GPR158: variants seen among roughly 807,000 people sequenced by gnomAD.
GPR158 encodes the protein G protein-coupled receptor 158.
GPR158 carries 30 observed loss-of-function variants against 78.2 expected under a neutral mutation model. The ratio of observed to expected loss-of-function variants is 0.38; its 90% confidence interval spans 0.29 to 0.52. The LOEUF is 0.52. Ranked by LOEUF, GPR158 falls within the 20% of genes least tolerant of loss-of-function variation. The pLI is 0.83. For missense variants in GPR158, 1,463 were observed against 1,523.5 expected (o/e 0.96, Z 0.66); for synonymous variants, 581 against 591.1 (o/e 0.98, Z 0.25).
chr10:25,540,943 AAAATAT>A (rs1209769615), intron 5 of GPR158, among the ~76,000 whole-genome samples: 208 of 63,458 alleles, frequency 3.3e-3, no homozygotes, highest in African/African-American at 0.011. Flanking sequence ...AAGTATAATA[AAAATAT>A]ATATATATAT....
intron 2 of GPR158, among the ~76,000 whole-genome samples, chr10:25,227,414 A>T (rs1380412140): frequency 6.6e-6 from 1 of 152,198 alleles, no homozygotes; most frequent in Non-Finnish European, 1.5e-5. Context: ...GTTTCAAGCT[A>T]TTTGTGTGTT....
chr10:25,281,061 G>T (rs1276257877), intron 2 of GPR158, among the ~76,000 whole-genome samples: 1 of 151,640 alleles, frequency 6.6e-6, no homozygotes, highest in Non-Finnish European at 1.5e-5. Context: ...CTTGAACCTT[G>T]GAGGTGGAGG....
At chr10:25,369,008 G>A (rs1198273815) in intron 2 of GPR158, among the ~76,000 whole-genome samples, 10 of 150,474 alleles carry the variant, frequency 6.6e-5, no homozygotes, top group South Asian at 2.1e-4. Context: ...TGTGATTTTC[G>A]TACATTGATT....
rs902057416 is a variant in GPR158 at position 25,370,542 on chromosome 10, A to T, written c.1009-25369A>T. Reference sequence around the variant, plus strand: ...ACTGTGGTCTGAGAGACAGTTTGTTATAATTTCTGTTCTTTTACATTTGCT... The same window carrying T: ...ACTGTGGTCTGAGAGACAGTTTGTTTTAATTTCTGTTCTTTTACATTTGCT... On this transcript the variant is annotated intron_variant, in intron 2 of 10. Transcript: ENST00000376351. 2.1e-5 allele frequency among the ~76,000 whole-genome samples: 3 copies of T among 140,108 alleles called. No homozygotes were observed. In the Admixed American group the frequency reaches 2.1e-4, roughly 10 times the overall value. The allele number at this position is 140,108 out of a possible 152,430, so 91.9% of individuals were successfully genotyped here. A position where few individuals can be genotyped will look rare whatever the true frequency, so the allele number is the denominator to read the frequency against.
chr10:25,522,206 C>G (rs1007024230), intron 5 of GPR158, among the ~76,000 whole-genome samples: 2 of 152,222 alleles, frequency 1.3e-5, no homozygotes, highest in Non-Finnish European at 2.9e-5. Flanking sequence ...GCACTTCTCA[C>G]TTCTGTCATT....
At chr10:25,253,154 G>T (rs999478342) in intron 2 of GPR158, among the ~76,000 whole-genome samples, 17 of 152,250 alleles carry the variant, frequency 1.1e-4, no homozygotes. Flanking sequence ...GTGAGGCAAT[G>T]CCTCGCCCTG....
At position 25,270,954 on chromosome 10, in the gene GPR158, A is replaced by G. The variant is rs140851320; in HGVS notation, c.1008+49797A>G. On this transcript the variant is annotated intron_variant, in intron 2 of 10. Coordinates refer to ENST00000376351, the MANE Select transcript of GPR158 (RefSeq NM_020752.3). ...AAAGTCTAAATCCTTATCAAGACCT[A>G]TAAAGTCCTGCATACGCTGGCCTGG... 2.9e-3 allele frequency among the ~76,000 whole-genome samples: 449 copies of G among 152,312 alleles called. 6 individuals carry two copies. Among genetic ancestry groups the G allele is most frequent in the African/African-American group, 0.01 (434 of 41,572 alleles).
intron 1 of GPR158, among the ~76,000 whole-genome samples, chr10:25,219,200 A>G (rs975160906): frequency 1.3e-5 from 2 of 152,226 alleles, no homozygotes; most frequent in Non-Finnish European, 2.9e-5. Flanking sequence ...TAGCTTTCCA[A>G]ATCCTCTAGA....
At chr10:25,353,908 C>T (rs1315863333) in intron 2 of GPR158, among the ~76,000 whole-genome samples, 1 of 151,988 alleles carries the variant, frequency 6.6e-6, no homozygotes, top group Non-Finnish European at 1.5e-5. Flanking sequence ...TGTAAGTTGT[C>T]TCTTCCTTTT....
chr10:25,229,261 C>T (rs984964629), intron 2 of GPR158, among the ~76,000 whole-genome samples: 1 of 152,056 alleles, frequency 6.6e-6, no homozygotes, highest in African/African-American at 2.4e-5. Flanking sequence ...AGATTCATCG[C>T]TATATTTAGG....
At chr10:25,360,777 G>GT (rs377243346) in intron 2 of GPR158, among the ~76,000 whole-genome samples, 1,742 of 151,996 alleles carry the variant, frequency 0.011, 7 homozygotes, top group Non-Finnish European at 0.016. Context: ...ATTTAAAGTA[G>GT]TTTTTTTCTA....
rs1389254291 is a variant in GPR158, at chr10:25,599,443, A to G, written c.*169A>G. The G allele has an allele frequency of 1.5e-5, 9 of 593,176 alleles. No individual in the cohort carries two copies. In the Admixed American group the frequency reaches 1.8e-4, roughly 12 times the overall value. 36.7% of individuals were successfully genotyped at this position (593,176 alleles called of 1,614,324 possible). On this transcript the variant is annotated 3_prime_UTR_variant, in exon 11 of 11. Coordinates refer to ENST00000376351, the MANE Select transcript of GPR158 (RefSeq NM_020752.3). ...GAGGACCAGGGGGGCAAGAGCAACAACGTCATAATGGAGAAGTCAGACTTT... is the reference window on the plus strand; with the variant it reads ...GAGGACCAGGGGGGCAAGAGCAACAGCGTCATAATGGAGAAGTCAGACTTT...
At position 25,600,219 on chromosome 10, in the gene GPR158, C is replaced by T. The variant is rs904917456; in HGVS notation, c.*945C>T. On this transcript the variant is annotated 3_prime_UTR_variant, in exon 11 of 11. Coordinates refer to ENST00000376351, the MANE Select transcript of GPR158 (RefSeq NM_020752.3). ...CTCAATAAGTTAAGGACAACTTATCCGTTGTTTATTCAAAGTCAGAGATAG... is the reference window on the plus strand; with the variant it reads ...CTCAATAAGTTAAGGACAACTTATCTGTTGTTTATTCAAAGTCAGAGATAG... 2 of 152,532 alleles carry T rather than the reference C, an allele frequency of 1.3e-5. No homozygotes were observed. Among genetic ancestry groups the T allele is most frequent in the Non-Finnish European group, 2.9e-5 (2 of 68,006 alleles). The allele number at this position is 152,532 out of a possible 1,614,324, so 9.4% of individuals were successfully genotyped here. A position where few individuals can be genotyped will look rare whatever the true frequency, so the allele number is the denominator to read the frequency against.
chr10:25,193,182 TGTG>T (rs1395014195), intron 1 of GPR158, among the ~76,000 whole-genome samples: 1 of 152,122 alleles, frequency 6.6e-6, no homozygotes, highest in Non-Finnish European at 1.5e-5. Context: ...CATGGACTCT[TGTG>T]GGGATGGGGG....
intron 2 of GPR158, among the ~76,000 whole-genome samples, chr10:25,341,581 C>G (rs1855303003): frequency 6.6e-6 from 1 of 151,818 alleles, no homozygotes; most frequent in Non-Finnish European, 1.5e-5. Context: ...TTTAAAAGAT[C>G]TACTTGTATT....
chr10:25,239,879 CT>C (rs1306267910), intron 2 of GPR158, among the ~76,000 whole-genome samples: 1 of 152,050 alleles, frequency 6.6e-6, no homozygotes, highest in African/African-American at 2.4e-5. Flanking sequence ...TTTAATATAT[CT>C]TATTTTTAGT....
chr10:25,473,622 C>G (rs1462239806), intron 5 of GPR158, among the ~76,000 whole-genome samples: 1 of 152,120 alleles, frequency 6.6e-6, no homozygotes, highest in Non-Finnish European at 1.5e-5. Flanking sequence ...AATATTGCCT[C>G]AATTTCAGAG....
intron 2 of GPR158, among the ~76,000 whole-genome samples, chr10:25,366,796 T>C (rs1024322464): frequency 6.6e-6 from 1 of 151,014 alleles, no homozygotes; most frequent in Non-Finnish European, 1.5e-5. Flanking sequence ...CACTTTTAGA[T>C]TGTGTATTGA....
intron 2 of GPR158, among the ~76,000 whole-genome samples, chr10:25,345,377 C>T (rs1046749799): frequency 2.0e-5 from 3 of 151,858 alleles, no homozygotes; most frequent in Admixed American, 6.6e-5. Context: ...ACTTTGATCT[C>T]GTAAAATCGG....
Sources: gnomAD v4.1 joint callset for allele counts (sites outside exome capture counted in the v4.1 genomes callset) on GRCh38, gnomAD v4.1.1 for gene constraint, MANE v1.5 for transcripts, NCBI Gene and HGNC (gene_info 2026-07-23, HGNC 2026-07-21) for gene names.